The following LRRTM4 variants were observed in gnomAD, a reference collection of about 807,000 sequenced individuals.
LRRTM4 encodes the protein leucine-rich repeat transmembrane neuronal protein 4.
Under a neutral mutation model 47.6 loss-of-function variants are expected in LRRTM4, and 25 were observed. That is an observed-to-expected ratio of 0.53 (90% CI 0.38 to 0.73). The LOEUF (loss-of-function observed/expected upper bound fraction) is 0.73. LRRTM4 is among the 30% of genes least tolerant of loss of function. The pLI is 0.00. For missense variants in LRRTM4, 638 were observed against 713.4 expected (o/e 0.89, Z 1.20); for synonymous variants, 311 against 269.5 (o/e 1.15, Z -1.51).
At chr2:77,300,487 C>A (rs549827296) in intron 3 of LRRTM4, among the ~76,000 whole-genome samples, 1 of 152,030 alleles carries the variant, frequency 6.6e-6, no homozygotes, top group South Asian at 2.1e-4. Flanking sequence ...GCTTTGTATG[C>A]GGCTCAATTC....
chr2:77,053,714 G>T (rs781404308), intron 3 of LRRTM4, among the ~76,000 whole-genome samples: 13 of 151,728 alleles, frequency 8.6e-5, no homozygotes, highest in Middle Eastern at 3.2e-3. Context: ...AAACATAAAA[G>T]GAACATTGGG....
At chr2:77,385,872 C>G (rs1410782996) in intron 3 of LRRTM4, among the ~76,000 whole-genome samples, 1 of 150,476 alleles carries the variant, frequency 6.6e-6, no homozygotes, top group Non-Finnish European at 1.5e-5. Flanking sequence ...CCCAGCCTCC[C>G]GACTAGCTGG....
intron 3 of LRRTM4, among the ~76,000 whole-genome samples, chr2:77,362,141 G>GA (rs767019656): frequency 8.9e-5 from 13 of 146,112 alleles, no homozygotes; most frequent in Non-Finnish European, 2.0e-4. Flanking sequence ...AAGAAAGAAA[G>GA]AAAGAAAGAA....
intron 3 of LRRTM4, among the ~76,000 whole-genome samples, chr2:77,084,802 T>C (rs1164199192): frequency 6.6e-6 from 1 of 152,206 alleles, no homozygotes; most frequent in African/African-American, 2.4e-5. Flanking sequence ...GATGAAGATA[T>C]ACATGAAGTA....
At chr2:77,394,656 T>C (rs1452977264) in intron 3 of LRRTM4, among the ~76,000 whole-genome samples, 2 of 151,976 alleles carry the variant, frequency 1.3e-5, no homozygotes, top group Admixed American at 6.6e-5. Context: ...TGAATATTCA[T>C]GAAGGGCGTC....
chr2:76,833,042 T>A (rs563767314), intron 3 of LRRTM4, among the ~76,000 whole-genome samples: 2 of 152,202 alleles, frequency 1.3e-5, no homozygotes, highest in South Asian at 2.1e-4. Flanking sequence ...AAGAGTGATG[T>A]TGAATTGTTT....
At chr2:77,103,667 A>ATATATATATATATCTATC (rs145819033) in intron 3 of LRRTM4, among the ~76,000 whole-genome samples, 3 of 146,274 alleles carry the variant, frequency 2.1e-5, no homozygotes, top group African/African-American at 7.7e-5. Flanking sequence ...ATATATAGAT[A>ATATATATATATATCTATC]TATATATCAC....
At chr2:77,077,319 G>A (rs1680368842) in intron 3 of LRRTM4, among the ~76,000 whole-genome samples, 1 of 152,020 alleles carries the variant, frequency 6.6e-6, no homozygotes, top group South Asian at 2.1e-4. Flanking sequence ...ATGTGAGATG[G>A]GGGCAACTTG....
At chr2:76,903,812 T>C (rs1273628263) in intron 3 of LRRTM4, among the ~76,000 whole-genome samples, 7 of 152,192 alleles carry the variant, frequency 4.6e-5, no homozygotes, top group South Asian at 2.1e-4. Flanking sequence ...AAGCTGATCA[T>C]AGAAAGGTGG....
At chr2:76,949,443 A>C (rs1675429862) in intron 3 of LRRTM4, among the ~76,000 whole-genome samples, 1 of 151,928 alleles carries the variant, frequency 6.6e-6, no homozygotes, top group African/African-American at 2.4e-5. Flanking sequence ...TAGGGAATGG[A>C]ATAAAGTACC....
In LRRTM4 at chr2:77,139,393, A is replaced by T. The variant is rs779390347; in HGVS notation, c.1551+378925T>A. ...AAAAGCCACATGATTATCTCAATAG[A>T]TGCGGAAAAGGACTTTGACAAAATT... On this transcript the variant is annotated intron_variant, in intron 3 of 3. Transcript: ENST00000409884. 3.9e-5 allele frequency among the ~76,000 whole-genome samples: 6 copies of T among 152,218 alleles called. 1 individual carries two copies. Among genetic ancestry groups the T allele is most frequent in the Non-Finnish European group, 8.8e-5 (6 of 68,034 alleles).
intron 3 of LRRTM4, among the ~76,000 whole-genome samples, chr2:76,833,487 T>A (rs1671414868): frequency 6.6e-6 from 1 of 152,160 alleles, no homozygotes; most frequent in Non-Finnish European, 1.5e-5. Flanking sequence ...AAACGCATGA[T>A]GGTTGGGTTT....
At chr2:77,244,323 C>G (rs1675364031) in intron 3 of LRRTM4, among the ~76,000 whole-genome samples, 1 of 150,840 alleles carries the variant, frequency 6.6e-6, no homozygotes, top group Admixed American at 6.6e-5. Context: ...ATTTCTAGTT[C>G]TAGATCCCTG....
chr2:77,472,602 A>C (rs1677233359), intron 3 of LRRTM4, among the ~76,000 whole-genome samples: 1 of 152,092 alleles, frequency 6.6e-6, no homozygotes, highest in Non-Finnish European at 1.5e-5. Context: ...AGAATGTAGC[A>C]GATGCCCAGT....
At chr2:77,472,295 C>G (rs1401239634) in intron 3 of LRRTM4, among the ~76,000 whole-genome samples, 1 of 152,016 alleles carries the variant, frequency 6.6e-6, no homozygotes, top group African/African-American at 2.4e-5. Flanking sequence ...GCTGTAAGTT[C>G]AAAGTTAGTG....
chr2:77,452,332 C>A (rs757767244), intron 3 of LRRTM4, among the ~76,000 whole-genome samples: 8 of 152,090 alleles, frequency 5.3e-5, no homozygotes, highest in Non-Finnish European at 1.2e-4. Flanking sequence ...GTGGAACCAA[C>A]AGGACTTGCT....
intron 3 of LRRTM4, among the ~76,000 whole-genome samples, chr2:76,790,511 A>C (rs1032878496): frequency 6.6e-6 from 1 of 152,138 alleles, no homozygotes; most frequent in African/African-American, 2.4e-5. Flanking sequence ...GAAAATGGAA[A>C]CTATTTCAGA....
At position 77,486,429 on chromosome 2, in the gene LRRTM4, A is replaced by G. The variant is rs544944752; in HGVS notation, c.1551+31889T>C. On this transcript the variant is annotated intron_variant, in intron 3 of 3. Transcript: ENST00000409884. ...TTATTCATTCTTTCAATTGGAATGT[A>G]ATGTAATATAAGAAACTGTAATGTA... 2.6e-5 allele frequency among the ~76,000 whole-genome samples: 4 copies of G among 152,346 alleles called. No homozygotes were observed. In the East Asian group the frequency reaches 7.7e-4, roughly 29 times the overall value.
intron 3 of LRRTM4, among the ~76,000 whole-genome samples, chr2:76,811,728 C>T (rs138046949): frequency 4.6e-5 from 7 of 152,156 alleles, no homozygotes; most frequent in Non-Finnish European, 1.0e-4. Context: ...CATGTTTGCT[C>T]TATGAAATAA....
Sources: gnomAD v4.1 joint callset for allele counts (sites outside exome capture counted in the v4.1 genomes callset) on GRCh38, gnomAD v4.1.1 for gene constraint, MANE v1.5 for transcripts, NCBI Gene and HGNC (gene_info 2026-07-23, HGNC 2026-07-21) for gene names.